STXBP5L: variants seen among roughly 807,000 people sequenced by gnomAD.
STXBP5L encodes the protein syntaxin-binding protein 5-like.
A neutral mutation model predicts 144.5 loss-of-function variants in STXBP5L; 65 were observed. That is an observed-to-expected ratio of 0.45 (90% CI 0.37 to 0.55). The LOEUF (loss-of-function observed/expected upper bound fraction) is 0.55. Ranked by LOEUF, STXBP5L falls within the 20% of genes least tolerant of loss-of-function variation. The pLI is 0.00. For missense variants in STXBP5L, 1,298 were observed against 1,405.5 expected (o/e 0.92, Z 1.22); for synonymous variants, 505 against 469.6 (o/e 1.08, Z -0.97).
intron 3 of STXBP5L, among the ~76,000 whole-genome samples, chr3:121,004,292 A>T (rs1044739183): frequency 1.3e-5 from 2 of 150,944 alleles, no homozygotes; most frequent in East Asian, 3.9e-4. Flanking sequence ...ATTCCTAGGT[A>T]TTTTATTCTC....
At chr3:121,108,748 C>A (rs2043834264) in intron 5 of STXBP5L, among the ~76,000 whole-genome samples, 1 of 152,000 alleles carries the variant, frequency 6.6e-6, no homozygotes, top group Admixed American at 6.6e-5. Context: ...ATGCACTAGT[C>A]CTTCCTTTTA....
At chr3:121,190,998 C>T (rs575785693) in intron 9 of STXBP5L, among the ~76,000 whole-genome samples, 16 of 151,444 alleles carry the variant, frequency 1.1e-4, no homozygotes, top group African/African-American at 1.9e-4. Flanking sequence ...TGGGCAGAGA[C>T]GCTCCTCACT....
At chr3:120,917,563 C>T (rs771677745) in intron 2 of STXBP5L, among the ~76,000 whole-genome samples, 1 of 151,958 alleles carries the variant, frequency 6.6e-6, no homozygotes, top group East Asian at 1.9e-4. Context: ...GCCATGGTAG[C>T]ACATGCCTGT....
chr3:121,099,720 C>T (rs1453719371), intron 5 of STXBP5L: 4 of 152,894 alleles, frequency 2.6e-5, no homozygotes, highest in Non-Finnish European at 4.4e-5. Context: ...TGTGCATCTG[C>T]AAGAAAACCC....
chr3:120,970,088 C>T (rs924778700), intron 3 of STXBP5L, among the ~76,000 whole-genome samples: 1 of 151,976 alleles, frequency 6.6e-6, no homozygotes, highest in Admixed American at 6.6e-5. Flanking sequence ...TTAACACCCC[C>T]CCAATAATTT....
intron 3 of STXBP5L, among the ~76,000 whole-genome samples, chr3:121,010,234 T>C (rs1944669410): frequency 6.6e-6 from 1 of 151,808 alleles, no homozygotes; most frequent in Admixed American, 6.6e-5. Context: ...GGTAAATGAC[T>C]ATATATATCT....
chr3:120,995,309 G>T lies in STXBP5L; in HGVS notation c.287+40272G>T, dbSNP rs113720811. 2.5e-3 allele frequency among the ~76,000 whole-genome samples: 379 copies of T among 152,044 alleles called. 2 individuals carry two copies. The highest frequency in any genetic ancestry group is 8.6e-3 in the African/African-American group (356 of 41,490). ...ATCGCAGGAGTGTTCCACCATGCCT[G>T]GCTAATTTTTTTATTTTTTGTAGAT... is the stretch of plus-strand genomic sequence containing the variant. On this transcript the variant is annotated intron_variant, in intron 3 of 26. Transcript: ENST00000471454.
intron 3 of STXBP5L, among the ~76,000 whole-genome samples, chr3:121,021,414 G>A (rs561365780): frequency 6.6e-6 from 1 of 152,100 alleles, no homozygotes; most frequent in South Asian, 2.1e-4. Flanking sequence ...TAGAACAAAT[G>A]GATTTAATAG....
intron 3 of STXBP5L, among the ~76,000 whole-genome samples, chr3:120,989,653 T>C (rs142089461): frequency 6.6e-6 from 1 of 152,298 alleles, no homozygotes; most frequent in African/African-American, 2.4e-5. Context: ...TCTGCATTTC[T>C]CTTTCCCGCT....
At chr3:121,379,820 G>C (rs1316350858) in intron 21 of STXBP5L, among the ~76,000 whole-genome samples, 1 of 152,038 alleles carries the variant, frequency 6.6e-6, no homozygotes, top group African/African-American at 2.4e-5. Context: ...GATTATAAAA[G>C]AAGTAGCCCC....
At chr3:121,110,140 A>G (rs2043909568) in intron 5 of STXBP5L, among the ~76,000 whole-genome samples, 1 of 152,116 alleles carries the variant, frequency 6.6e-6, no homozygotes, top group Non-Finnish European at 1.5e-5. Flanking sequence ...TAGCACACCA[A>G]TGGGTCTTGA....
At chr3:121,388,458 G>T (rs988746888) in intron 22 of STXBP5L, among the ~76,000 whole-genome samples, 1 of 152,152 alleles carries the variant, frequency 6.6e-6, no homozygotes, top group Non-Finnish European at 1.5e-5. Context: ...GTGAGAGAGG[G>T]CATCCTTGTC....
At chr3:121,370,394 T>A (rs2045995716) in intron 20 of STXBP5L, among the ~76,000 whole-genome samples, 1 of 152,086 alleles carries the variant, frequency 6.6e-6, no homozygotes, top group Non-Finnish European at 1.5e-5. Context: ...ACCTCCCCCA[T>A]TCCTCCTATG....
chr3:121,130,655 AT>A (rs1344092935), intron 7 of STXBP5L, among the ~76,000 whole-genome samples: 2 of 152,270 alleles, frequency 1.3e-5, no homozygotes, highest in Admixed American at 1.3e-4. Flanking sequence ...CTAACCCTGA[AT>A]GACCCTGGTA....
chr3:121,240,584 T>A, intron 14 of STXBP5L, 77 bp downstream of exon 14: 1 of 1,339,222 alleles, frequency 7.5e-7, no homozygotes, highest in East Asian at 2.4e-5. Flanking sequence ...TTTCCATAAT[T>A]GTGTTCTATG....
At chr3:121,175,705 T>G (rs1163553042) in intron 9 of STXBP5L, among the ~76,000 whole-genome samples, 2 of 152,068 alleles carry the variant, frequency 1.3e-5, no homozygotes, top group Non-Finnish European at 2.9e-5. Flanking sequence ...TGGTAGATTT[T>G]AAATACAAGT....
At chr3:121,369,020 C>T (rs948677348) in intron 20 of STXBP5L, among the ~76,000 whole-genome samples, 28 of 152,098 alleles carry the variant, frequency 1.8e-4, no homozygotes, top group African/African-American at 6.5e-4. Context: ...ATGATCAGGA[C>T]ACAAATCCCT....
intron 22 of STXBP5L, among the ~76,000 whole-genome samples, chr3:121,398,550 G>A (rs1456084764): frequency 6.6e-6 from 1 of 152,184 alleles, no homozygotes; most frequent in Non-Finnish European, 1.5e-5. Context: ...TTACATTTTA[G>A]ACATATTTCA....
chr3:121,027,382 G>C (rs1946025831), intron 3 of STXBP5L, among the ~76,000 whole-genome samples: 1 of 152,124 alleles, frequency 6.6e-6, no homozygotes, highest in Non-Finnish European at 1.5e-5. Flanking sequence ...TAGCATCCAT[G>C]TAGGGTAAGT....
Sources: gnomAD v4.1 joint callset for allele counts (sites outside exome capture counted in the v4.1 genomes callset) on GRCh38, gnomAD v4.1.1 for gene constraint, MANE v1.5 for transcripts, NCBI Gene and HGNC (gene_info 2026-07-23, HGNC 2026-07-21) for gene names.